The following GRID1 variants were observed in gnomAD, a reference collection of about 807,000 sequenced individuals.
The protein encoded by GRID1 is glutamate receptor ionotropic, delta-1.
A neutral mutation model predicts 98.0 loss-of-function variants in GRID1; 28 were observed. The observed-to-expected ratio is 0.29, with a 90% confidence interval of 0.21 to 0.39. The LOEUF (loss-of-function observed/expected upper bound fraction) is 0.39. Among genes scored for constraint, GRID1 ranks in the 10% least tolerant of loss-of-function variants. The pLI, the probability that GRID1 is intolerant of heterozygous loss-of-function variation, is 1.00. For missense variants in GRID1, 1,111 were observed against 1,340.5 expected (o/e 0.83, Z 2.67); for synonymous variants, 553 against 538.5 (o/e 1.03, Z -0.37).
chr10:86,262,056 G>C (rs113743333), intron 2 of GRID1, among the ~76,000 whole-genome samples: 2 of 152,196 alleles, frequency 1.3e-5, no homozygotes, highest in African/African-American at 4.8e-5. Flanking sequence ...TGTGTCCAGC[G>C]TAACACAGCC....
At chr10:85,887,732 T>A (rs1237609293) in intron 5 of GRID1, among the ~76,000 whole-genome samples, 1 of 152,208 alleles carries the variant, frequency 6.6e-6, no homozygotes, top group East Asian at 1.9e-4. Context: ...TCTTTGAGCA[T>A]CATTTATAAA....
chr10:85,867,762 C>T (rs572118496), intron 6 of GRID1, among the ~76,000 whole-genome samples: 1 of 152,372 alleles, frequency 6.6e-6, no homozygotes, highest in South Asian at 2.1e-4. Flanking sequence ...AGACCCCAGA[C>T]ACTCTGGTGG....
At chr10:86,339,050 A>C (rs1374481926) in intron 2 of GRID1, among the ~76,000 whole-genome samples, 2 of 152,038 alleles carry the variant, frequency 1.3e-5, no homozygotes, top group Non-Finnish European at 2.9e-5. Context: ...CCAAAGTGCT[A>C]TCTCTCACCT....
At chr10:85,959,864 T>C (rs1174166581) in intron 4 of GRID1, among the ~76,000 whole-genome samples, 2 of 152,184 alleles carry the variant, frequency 1.3e-5, no homozygotes, top group Non-Finnish European at 2.9e-5. Context: ...TGTGTGGATA[T>C]ATTTTTTTCA....
intron 6 of GRID1, among the ~76,000 whole-genome samples, chr10:85,857,462 TG>T (rs143381398): frequency 6.6e-6 from 1 of 151,588 alleles, no homozygotes. Context: ...GGGAGCCCAA[TG>T]GGGGAGAAGG....
At chr10:85,929,091 A>G (rs1319035314) in intron 4 of GRID1, among the ~76,000 whole-genome samples, 3 of 152,164 alleles carry the variant, frequency 2.0e-5, no homozygotes, top group African/African-American at 4.8e-5. Context: ...CAGGTTCCCA[A>G]TAGTTTGAGG....
At chr10:86,196,047 C>T (rs1273398171) in intron 3 of GRID1, among the ~76,000 whole-genome samples, 3 of 152,088 alleles carry the variant, frequency 2.0e-5, no homozygotes, top group South Asian at 2.1e-4. Context: ...ATGACAGACA[C>T]GACAACCTGG....
chr10:86,034,137 G>A (rs1843223540), intron 4 of GRID1, among the ~76,000 whole-genome samples: 1 of 152,118 alleles, frequency 6.6e-6, no homozygotes, highest in South Asian at 2.1e-4. Context: ...TTTTAATGAG[G>A]TACTTATAGA....
At chr10:85,879,178 T>C (rs1428005757) in intron 5 of GRID1, among the ~76,000 whole-genome samples, 2 of 152,016 alleles carry the variant, frequency 1.3e-5, no homozygotes, top group African/African-American at 4.8e-5. Context: ...AATGGGAGAC[T>C]TTAACACCCC....
chr10:86,145,200 T>C (rs1299849304), intron 3 of GRID1, among the ~76,000 whole-genome samples: 2 of 152,228 alleles, frequency 1.3e-5, no homozygotes, highest in Non-Finnish European at 2.9e-5. Flanking sequence ...TCCAGACATT[T>C]TGGGTACCTA....
intron 4 of GRID1, among the ~76,000 whole-genome samples, chr10:85,930,799 C>T (rs749953876): frequency 6.6e-6 from 1 of 152,108 alleles, no homozygotes; most frequent in South Asian, 2.1e-4. Flanking sequence ...AATTCTTCCT[C>T]AGAAATAGCA....
intron 4 of GRID1, among the ~76,000 whole-genome samples, chr10:86,013,431 A>G (rs1842943540): frequency 6.6e-6 from 1 of 152,382 alleles, no homozygotes; most frequent in African/African-American, 2.4e-5. Context: ...ATAGATTGAC[A>G]GTGGATCATC....
intron 2 of GRID1, among the ~76,000 whole-genome samples, chr10:86,309,284 C>T (rs1053431132): frequency 7.9e-5 from 12 of 152,098 alleles, no homozygotes; most frequent in South Asian, 6.2e-4. Flanking sequence ...ACAGCATCCT[C>T]GGTCATCCAT....
At chr10:85,743,125 T>C (rs1352295229) in intron 8 of GRID1, among the ~76,000 whole-genome samples, 4 of 41,440 alleles carry the variant, frequency 9.7e-5, no homozygotes, top group East Asian at 1.9e-3. Context: ...CCACCACCCA[T>C]TGAGAACCAA....
At chr10:85,957,145 C>A (rs889383502) in intron 4 of GRID1, among the ~76,000 whole-genome samples, 2 of 152,164 alleles carry the variant, frequency 1.3e-5, no homozygotes, top group African/African-American at 2.4e-5. Flanking sequence ...TCACCTCCCA[C>A]GAGGTCCCTC....
At chr10:86,171,593 A>C (rs1845488785) in intron 3 of GRID1, among the ~76,000 whole-genome samples, 1 of 152,210 alleles carries the variant, frequency 6.6e-6, no homozygotes, top group Non-Finnish European at 1.5e-5. Flanking sequence ...CTGCAGAGGC[A>C]GGTAGGGTGG....
chr10:86,104,833 C>T (rs954360007), intron 4 of GRID1, among the ~76,000 whole-genome samples: 1 of 152,318 alleles, frequency 6.6e-6, no homozygotes. Context: ...AGACAGTGCA[C>T]TGGACCTTCA....
intron 13 of GRID1, among the ~76,000 whole-genome samples, chr10:85,620,449 T>C (rs1184906121): frequency 6.6e-6 from 1 of 151,378 alleles, no homozygotes; most frequent in Non-Finnish European, 1.5e-5. Context: ...GGATGAGGAA[T>C]AGGGGAGAAT....
intron 12 of GRID1, among the ~76,000 whole-genome samples, chr10:85,705,712 A>T (rs1364714041): frequency 6.6e-6 from 1 of 152,194 alleles, no homozygotes; most frequent in African/African-American, 2.4e-5. Context: ...TCCTCAATAA[A>T]ATATTGGCAA....
Sources: gnomAD v4.1 joint callset for allele counts (sites outside exome capture counted in the v4.1 genomes callset) on GRCh38, gnomAD v4.1.1 for gene constraint, MANE v1.5 for transcripts, NCBI Gene and HGNC (gene_info 2026-07-23, HGNC 2026-07-21) for gene names.